Variants in DYNC1I1 observed in about 807,000 individuals in gnomAD.
DYNC1I1 encodes cytoplasmic dynein 1 intermediate chain 1.
DYNC1I1 carries 43 observed loss-of-function variants against 86.6 expected under a neutral mutation model. The observed-to-expected ratio is 0.50, with a 90% CI of 0.39 to 0.64. DYNC1I1 has a LOEUF of 0.64. DYNC1I1 is among the 30% of genes least tolerant of loss of function. The pLI, the probability that DYNC1I1 is intolerant of heterozygous loss-of-function variation, is 0.00. For synonymous variants in DYNC1I1, 262 were observed against 283.7 expected (o/e 0.92, Z 0.77); for missense variants, 604 against 788.8 (o/e 0.77, Z 2.81).
intron 10 of DYNC1I1, among the ~76,000 whole-genome samples, chr7:96,020,967 A>G (rs2115911271): frequency 6.6e-6 from 1 of 152,164 alleles, no homozygotes; most frequent in South Asian, 2.1e-4. Flanking sequence ...AGAAAGTAGA[A>G]TGGTGGTTAC....
At chr7:95,992,772 A>T (rs762790170) in intron 9 of DYNC1I1, among the ~76,000 whole-genome samples, 17 of 151,984 alleles carry the variant, frequency 1.1e-4, no homozygotes, top group Non-Finnish European at 2.4e-4. Flanking sequence ...GGCACACACA[A>T]CCTGGCTAAT....
chr7:95,956,329 A>G (rs141744168), intron 6 of DYNC1I1, among the ~76,000 whole-genome samples: 1 of 150,916 alleles, frequency 6.6e-6, no homozygotes, highest in Non-Finnish European at 1.5e-5. Flanking sequence ...CACCTTTGCT[A>G]TCTCCCTCGA....
At chr7:96,019,469 C>T (rs1296736761) in intron 10 of DYNC1I1, among the ~76,000 whole-genome samples, 2 of 151,888 alleles carry the variant, frequency 1.3e-5, no homozygotes, top group Admixed American at 6.6e-5. Context: ...CCCAGTCGCA[C>T]CCCCAGAAAT....
intron 12 of DYNC1I1, 25 bp from the exon 13 acceptor site, chr7:96,035,594 A>G (rs546622300): frequency 1.3e-6 from 2 of 1,557,712 alleles, no homozygotes; most frequent in African/African-American, 1.4e-5. Flanking sequence ...ACAGATGGAA[A>G]TGTAACCACA....
At chr7:95,988,658 A>G (rs912782948) in intron 9 of DYNC1I1, among the ~76,000 whole-genome samples, 2 of 152,198 alleles carry the variant, frequency 1.3e-5, no homozygotes, top group Non-Finnish European at 2.9e-5. Flanking sequence ...ACACTGACAT[A>G]AGAACAGTGA....
At chr7:95,819,400 C>T (rs1369282487) in intron 4 of DYNC1I1, among the ~76,000 whole-genome samples, 1 of 152,002 alleles carries the variant, frequency 6.6e-6, no homozygotes, top group East Asian at 1.9e-4. Context: ...TCTGGGGCCA[C>T]ATGGACATAA....
intron 5 of DYNC1I1, among the ~76,000 whole-genome samples, chr7:95,835,659 T>A (rs1352391844): frequency 4.6e-5 from 7 of 152,140 alleles, no homozygotes; most frequent in Non-Finnish European, 1.0e-4. Context: ...GGTGCTCCTG[T>A]ATTGGGTGCA....
intron 5 of DYNC1I1, among the ~76,000 whole-genome samples, chr7:95,834,653 G>A (rs1246116702): frequency 4.6e-4 from 63 of 137,862 alleles, no homozygotes; most frequent in Non-Finnish European, 3.1e-4. Flanking sequence ...TTCAGATCCT[G>A]TTATTGGTCT....
chr7:95,966,376 C>T (rs1427980701), intron 6 of DYNC1I1, among the ~76,000 whole-genome samples: 5 of 152,132 alleles, frequency 3.3e-5, no homozygotes, highest in Non-Finnish European at 7.4e-5. Context: ...CAAAGTCTTC[C>T]TCTAAATCTT....
At chr7:95,862,694 C>G (rs1024485373) in intron 5 of DYNC1I1, among the ~76,000 whole-genome samples, 1 of 152,126 alleles carries the variant, frequency 6.6e-6, no homozygotes, top group East Asian at 1.9e-4. Context: ...CCCAGCAGCT[C>G]CACTCCTAGA....
intron 6 of DYNC1I1, among the ~76,000 whole-genome samples, chr7:95,918,280 A>G (rs78989559): frequency 0.014 from 2,114 of 152,168 alleles, 47 homozygotes; most frequent in East Asian, 0.048. Flanking sequence ...GCCACATTAT[A>G]ATTTCCCTGC....
At chr7:95,876,856 C>T (rs995479873) in intron 6 of DYNC1I1, among the ~76,000 whole-genome samples, 1 of 151,922 alleles carries the variant, frequency 6.6e-6, no homozygotes, top group African/African-American at 2.4e-5. Context: ...ATCTACTTCC[C>T]AGTAAAATTG....
chr7:95,842,037 G>T (rs1789297494), intron 5 of DYNC1I1, among the ~76,000 whole-genome samples: 1 of 152,174 alleles, frequency 6.6e-6, no homozygotes, highest in Admixed American at 6.5e-5. Flanking sequence ...AAAAGTTGGG[G>T]TATTGTGTGT....
At chr7:95,959,464 AATCTATAAACTG>A (rs1792805034) in intron 6 of DYNC1I1, among the ~76,000 whole-genome samples, 1 of 152,188 alleles carries the variant, frequency 6.6e-6, no homozygotes, top group Non-Finnish European at 1.5e-5. Context: ...AAGAAGGTCA[AATCTATAAACTG>A]ATTGAATGTG....
chr7:95,778,813 A>G (rs1793911295), intron 1 of DYNC1I1, among the ~76,000 whole-genome samples: 1 of 152,024 alleles, frequency 6.6e-6, no homozygotes, highest in South Asian at 2.1e-4. Context: ...GGCATGTCCC[A>G]CCACACCAGC....
chr7:95,774,235 C>G (rs1793782923), intron 1 of DYNC1I1, among the ~76,000 whole-genome samples: 1 of 152,162 alleles, frequency 6.6e-6, no homozygotes, highest in Admixed American at 6.5e-5. Context: ...GCTTTTCCAG[C>G]CTGTCAAGCT....
chr7:96,055,926 A>G (rs1003294305), intron 14 of DYNC1I1: 4 of 152,128 alleles, frequency 2.6e-5, no homozygotes, highest in African/African-American at 4.8e-5. Context: ...CATTGACTTG[A>G]TCTAAGCCCA....
intron 14 of DYNC1I1, among the ~76,000 whole-genome samples, chr7:96,069,489 T>G (rs1790098967): frequency 1.3e-5 from 2 of 152,200 alleles, no homozygotes; most frequent in South Asian, 4.1e-4. Context: ...TTGAATTGGC[T>G]GTAAGAGGTA....
chr7:96,092,311 G>T (rs1584316107), intron 16 of DYNC1I1, among the ~76,000 whole-genome samples: 1 of 152,112 alleles, frequency 6.6e-6, no homozygotes, highest in Non-Finnish European at 1.5e-5. Flanking sequence ...TGTATTCAGG[G>T]TTTATAGTGT....
Sources: gnomAD v4.1 joint callset for allele counts (sites outside exome capture counted in the v4.1 genomes callset) on GRCh38, gnomAD v4.1.1 for gene constraint, MANE v1.5 for transcripts, NCBI Gene and HGNC (gene_info 2026-07-23, HGNC 2026-07-21) for gene names.